EBI3: variants seen among roughly 807,000 people sequenced by gnomAD.
The protein encoded by EBI3 is interleukin-27 subunit beta.
EBI3 carries 19 observed loss-of-function variants against 21.3 expected under a neutral mutation model. That is an observed-to-expected ratio of 0.89 (90% CI 0.62 to 1.31). EBI3 has a LOEUF of 1.31. EBI3 is among the 50% of genes most tolerant of loss of function. EBI3 has a pLI of 0.00. For missense variants in EBI3, 331 were observed against 314.0 expected, an observed-to-expected ratio of 1.05 and a Z score of -0.41; for synonymous variants, 154 against 131.2, an observed-to-expected ratio of 1.17 and a Z score of -1.19.
Position 4,236,515 on chromosome 19 carries a change from T to C in EBI3, c.538-421T>C, listed in dbSNP as rs541782071. Among the ~76,000 whole-genome samples the C allele has an allele frequency of 2.5e-4, 4 of 16,102 alleles. No homozygotes were observed. In the East Asian group the frequency reaches 0.02, roughly 80 times the overall value. The allele number at this position is 16,102 out of a possible 152,430, so 10.6% of individuals were successfully genotyped here. A position where few individuals can be genotyped will look rare whatever the true frequency, so the allele number is the denominator to read the frequency against. ...CAGCCTGGGCAACAGAGTAAGACTG[T>C]CTCAAAAAAAAAAAAAAAAAAAAAA... On this transcript the variant is annotated intron_variant, in intron 4 of 4. Coordinates refer to ENST00000221847, the MANE Select transcript of EBI3 (RefSeq NM_005755.3).
Position 4,236,969 on chromosome 19 carries a change from AG to A in EBI3, c.574del (p.Ala192LeufsTer23), listed in dbSNP as rs1486892296. ...CATTGAAGCCACGTCCTTCATCCTC[AG>A]GGCTGTGCGGCCCCGAGCCAGGTAC... is the stretch of plus-strand genomic sequence containing the variant. ...GPIEATSFIL[R>X]AVRPRARYYV... On this transcript the variant is annotated frameshift_variant, in exon 5 of 5. Transcript: ENST00000221847. LOFTEE classifies it low-confidence loss of function (END_TRUNC). 6.5e-7 allele frequency: 1 copy of A among 1,536,720 alleles called. No homozygotes were observed. The highest frequency in any genetic ancestry group is 1.4e-5 in the African/African-American group (1 of 71,192).
Position 4,229,599 on chromosome 19 carries a change from C to T in EBI3, c.49C>T (p.Pro17Ser). The T allele has an allele frequency of 6.2e-7, 1 of 1,609,554 alleles. No homozygotes were observed. The highest frequency in any genetic ancestry group is 8.5e-7 in the Non-Finnish European group (1 of 1,178,310). Residue 17 changes from proline (P) to serine (S), a missense_variant, in exon 1 of 5, where the codon CCC becomes TCC. Coordinates refer to ENST00000221847, the MANE Select transcript of EBI3 (RefSeq NM_005755.3). Reference sequence around the variant, plus strand: ...CCTTGTCCTCTGGGCCAGCTGCCCGCCCTGCAGTGGAAGGAAAGGTATGTG... The same window carrying T: ...CCTTGTCCTCTGGGCCAGCTGCCCGTCCTGCAGTGGAAGGAAAGGTATGTG... The part of the protein sequence containing the change: ...LALVLWASCP[P>S]CSGRKGPPAA...
Position 4,237,323 on chromosome 19 carries a change from G to GTCAGCCCTGCACTGT in EBI3, c.*235_*236insTCAGCCCTGCACTGT. The GTCAGCCCTGCACTGT allele has an allele frequency of 2.7e-6, 1 of 365,198 alleles. No individual in the cohort carries two copies. The highest frequency in any genetic ancestry group is 4.8e-6 in the Non-Finnish European group (1 of 207,342). The allele number at this position is 365,198 out of a possible 1,614,324, so 22.6% of individuals were successfully genotyped here. A position where few individuals can be genotyped will look rare whatever the true frequency, so the allele number is the denominator to read the frequency against. On this transcript the variant is annotated 3_prime_UTR_variant, in exon 5 of 5. Coordinates refer to ENST00000221847, the MANE Select transcript of EBI3 (RefSeq NM_005755.3). ...TTACCTTTACCTTTACCACAGTGCA[G>GTCAGCCCTGCACTGT]GGCTGACTGAACTGTCACTGTGAGA...
At chr19:4,230,748 G>A (rs1036103445) in intron 1 of EBI3, among the ~76,000 whole-genome samples, 2 of 152,060 alleles carry the variant, frequency 1.3e-5, no homozygotes, top group South Asian at 2.1e-4. Flanking sequence ...GCCAAGCGTG[G>A]CAGTACATGC....
Position 4,233,447 on chromosome 19 carries a change from T to A in EBI3, c.379+140T>A, listed in dbSNP as rs1233247320. 7.2e-6 allele frequency: 7 copies of A among 976,698 alleles called. No homozygotes were observed. The East Asian group carries it at 1.9e-4, about 27-fold the overall frequency. 60.5% of individuals were successfully genotyped at this position (976,698 alleles called of 1,614,324 possible). A position where few individuals can be genotyped will look rare whatever the true frequency, so the allele number is the denominator to read the frequency against. On this transcript the variant is annotated intron_variant, in intron 3 of 4. Transcript: ENST00000221847. The stretch of plus-strand genomic sequence containing the variant: ...AAATCTGACCCCTTCTTCCCCCTCC[T>A]CTACCAGTACGTGGAGCACCCCCAT...
intron 1 of EBI3, among the ~76,000 whole-genome samples, chr19:4,230,084 CG>C (rs1568354729): frequency 1.3e-5 from 2 of 152,030 alleles, no homozygotes; most frequent in African/African-American, 2.4e-5. Context: ...CCACCATGCC[CG>C]GCTACTTTTT....
chr19:4,232,399 T>G (rs1289673145), intron 2 of EBI3, among the ~76,000 whole-genome samples: 1 of 150,370 alleles, frequency 6.7e-6, no homozygotes, highest in East Asian at 2.0e-4. Context: ...CTGGGCAACA[T>G]AGCAATATCC....
intron 1 of EBI3, 90 bp from the exon 2 acceptor site, chr19:4,231,101 T>G (rs1333823339): frequency 2.1e-6 from 3 of 1,452,036 alleles, no homozygotes; most frequent in African/African-American, 1.4e-5. Flanking sequence ...TACCTGGTGC[T>G]GGCTGGCAAC....
chr19:4,229,653 C>T (rs749496680), intron 1 of EBI3, 36 bp downstream of exon 1: 11 of 1,573,966 alleles, frequency 7.0e-6, no homozygotes. Flanking sequence ...GGGGCCCAGG[C>T]AGACGGACAT....
intron 3 of EBI3, 87 bp from the exon 4 acceptor site, chr19:4,234,580 T>C (rs1970819274): frequency 1.3e-6 from 2 of 1,529,790 alleles, no homozygotes; most frequent in South Asian, 2.5e-5. Flanking sequence ...ACAAAATATA[T>C]ACATAATATG....
chr19:4,230,770 G>A (rs1296226184), intron 1 of EBI3, among the ~76,000 whole-genome samples: 3 of 151,968 alleles, frequency 2.0e-5, no homozygotes, highest in Non-Finnish European at 4.4e-5. Context: ...TGTAATCCCA[G>A]CTACTCGGGA....
rs1391803303 is a variant in EBI3 at position 4,237,324 on chromosome 19, G to C, written c.*236G>C. The C allele has an allele frequency of 2.2e-5, 8 of 364,000 alleles. No individual in the cohort carries two copies. In the South Asian group the frequency reaches 5.0e-4, roughly 23 times the overall value. The allele number at this position is 364,000 out of a possible 1,614,324, so 22.5% of individuals were successfully genotyped here. A position where few individuals can be genotyped will look rare whatever the true frequency, so the allele number is the denominator to read the frequency against. On this transcript the variant is annotated 3_prime_UTR_variant, in exon 5 of 5. Coordinates refer to ENST00000221847, the MANE Select transcript of EBI3 (RefSeq NM_005755.3). ...TACCTTTACCTTTACCACAGTGCAG[G>C]GCTGACTGAACTGTCACTGTGAGAT...
chr19:4,233,338 G>C, intron 3 of EBI3, 31 bp downstream of exon 3: 1 of 1,539,676 alleles, frequency 6.5e-7, no homozygotes. Flanking sequence ...GGGCGGGGGC[G>C]GGGCTGCCGT....
rs748118407 is a variant in EBI3, at chr19:4,231,240, G to A, written c.117G>A (p.Arg39=). 1 of 1,612,338 alleles carries A rather than the reference G, an allele frequency of 6.2e-7. No individual in the cohort carries two copies. The highest frequency in any genetic ancestry group is 1.7e-5 in the Admixed American group (1 of 59,582). Residue 39 remains arginine (R), a synonymous_variant, in exon 2 of 5, where the codon CGG becomes CGA. Transcript: ENST00000221847. ...TLPRVQCRAS[R]YPIAVDCSWT... ...CCCGGGTGCAATGCCGAGCCTCTCG[G>A]TACCCGATCGCCGTGGATTGCTCCT...
At chr19:4,233,810 C>G (rs74865814) in intron 3 of EBI3, among the ~76,000 whole-genome samples, 9,984 of 152,238 alleles carry the variant, frequency 0.066, 541 homozygotes, top group South Asian at 0.3. Context: ...ACCTGGAACA[C>G]CTTCCCCCAA....
Position 4,234,704 on chromosome 19 carries a change from C to G in EBI3, c.417C>G (p.Pro139=), listed in dbSNP as rs202004623. 1.3e-5 allele frequency: 21 copies of G among 1,614,162 alleles called. No homozygotes were observed. Among genetic ancestry groups the G allele is most frequent in the Non-Finnish European group, 1.7e-5 (20 of 1,180,030 alleles). The change falls in exon 4 of 5, where the codon CCC becomes CCG. Residue 139 remains proline (P), a synonymous_variant. Transcript: ENST00000221847. ...CTCCAGAAGGCGTGCGCCTAAGCCC[C>G]CTCGCTGAGCGCCAGCTACAGGTGC... ...PDPPEGVRLS[P]LAERQLQVQW... is the part of the protein sequence containing the mutation.
intron 2 of EBI3, among the ~76,000 whole-genome samples, chr19:4,232,222 C>CAAAAAAAAAAAAAAAA (rs71166979): frequency 5.2e-5 from 3 of 57,818 alleles, no homozygotes; most frequent in African/African-American, 2.7e-4. Context: ...GACCCCGTCT[C>CAAAAAAAAAAAAAAAA]AAAAAAAAAA....
chr19:4,233,358 G>A lies in EBI3; in HGVS notation c.379+51G>A, dbSNP rs552811735. 7.2e-6 allele frequency: 11 copies of A among 1,521,152 alleles called. No homozygotes were observed. In the South Asian group the frequency reaches 1.3e-4, roughly 17 times the overall value. The allele number at this position is 1,521,152 out of a possible 1,614,324, so 94.2% of individuals were successfully genotyped here. ...GGGGCGGGGCTGCCGTCTCCTTCCA[G>A]CTCCCCCCACCCCACCTCCCACCTG... is the stretch of plus-strand genomic sequence containing the variant. On this transcript the variant is annotated intron_variant, in intron 3 of 4. Transcript: ENST00000221847.
At chr19:4,230,809 G>A (rs1038947341) in intron 1 of EBI3, among the ~76,000 whole-genome samples, 4 of 151,954 alleles carry the variant, frequency 2.6e-5, no homozygotes, top group Non-Finnish European at 4.4e-5. Flanking sequence ...CCCGGGAGGC[G>A]GGGGTGGCAG....
Sources: gnomAD v4.1 joint callset for allele counts (sites outside exome capture counted in the v4.1 genomes callset) on GRCh38, gnomAD v4.1.1 for gene constraint, MANE v1.5 for transcripts, NCBI Gene and HGNC (gene_info 2026-07-23, HGNC 2026-07-21) for gene names.